ZZEF1: variants seen among roughly 807,000 people sequenced by gnomAD.
The protein encoded by ZZEF1 is zinc finger ZZ-type and EF-hand domain-containing protein 1.
ZZEF1 carries 157 observed loss-of-function variants against 342.8 expected under a neutral mutation model. The ratio of observed to expected loss-of-function variants is 0.46; its 90% confidence interval spans 0.40 to 0.52. The LOEUF is 0.52. Ranked by LOEUF, ZZEF1 falls within the 20% of genes least tolerant of loss-of-function variation. ZZEF1 has a pLI of 0.00. For missense variants in ZZEF1, 3,480 were observed against 3,725.6 expected, an observed-to-expected ratio of 0.93 and a Z score of 1.72; for synonymous variants, 1,505 against 1,429.1, an observed-to-expected ratio of 1.05 and a Z score of -1.20.
In ZZEF1 at chr17:4,066,376, G is replaced by C. The variant is rs1490694867; in HGVS notation, c.4249+71C>G. On this transcript the variant is annotated intron_variant, in intron 28 of 54. Transcript: ENST00000381638. Reference sequence around the variant, plus strand: ...TCAATTAAGATAATCTAGAAGGTGAGTAATTGGTTTTCCAGGCTCTAAAAC... The same window carrying C: ...TCAATTAAGATAATCTAGAAGGTGACTAATTGGTTTTCCAGGCTCTAAAAC... 10 of 1,312,906 alleles carry C rather than the reference G, an allele frequency of 7.6e-6. No homozygotes were observed. In the African/African-American group the frequency reaches 1.0e-4, roughly 13 times the overall value. The allele number at this position is 1,312,906 out of a possible 1,614,324, so 81.3% of individuals were successfully genotyped here.
At position 4,107,885 on chromosome 17, in the gene ZZEF1, T is replaced by C. The variant is rs1463322407; in HGVS notation, c.1277+1768A>G. 2.6e-5 allele frequency among the ~76,000 whole-genome samples: 4 copies of C among 152,266 alleles called. No individual in the cohort carries two copies. In the East Asian group the frequency reaches 5.8e-4, roughly 22 times the overall value. On this transcript the variant is annotated intron_variant, in intron 6 of 54. Coordinates refer to ENST00000381638, the MANE Select transcript of ZZEF1 (RefSeq NM_015113.4). ...GATTCCAGGACTAATGCAGGGAACA[T>C]TCAAGATAAGCCTGGAATATCTTGT... is the stretch of plus-strand genomic sequence containing the variant.
chr17:4,142,532 C>A lies in ZZEF1; in HGVS notation c.354+10G>T. ...CTGCCCCATCCCCGCAGTCGCCTGC[C>A]GGCCCTGACCTCCTCGAACTGCTCG... On this transcript the variant is annotated intron_variant, in intron 1 of 54. Coordinates refer to ENST00000381638, the MANE Select transcript of ZZEF1 (RefSeq NM_015113.4). 1.3e-6 allele frequency: 2 copies of A among 1,589,802 alleles called. No individual in the cohort carries two copies. Among genetic ancestry groups the A allele is most frequent in the Non-Finnish European group, 1.7e-6 (2 of 1,175,182 alleles).
At chr17:4,018,880 G>A (rs370041663) in intron 46 of ZZEF1, among the ~76,000 whole-genome samples, 14 of 152,018 alleles carry the variant, frequency 9.2e-5, no homozygotes, top group African/African-American at 3.1e-4. Flanking sequence ...ACCGAGAGGT[G>A]GGGTGGCCGA....
chr17:4,061,675 C>T lies in ZZEF1; in HGVS notation c.4883+1078G>A, dbSNP rs1049288997. Among the ~76,000 whole-genome samples the T allele has an allele frequency of 5.3e-5, 8 of 152,308 alleles. No homozygotes were observed. In the East Asian group the frequency reaches 1.3e-3, roughly 26 times the overall value. The stretch of plus-strand genomic sequence containing the variant: ...CCTCACTAAAACGCATCACTATCCA[C>T]CAGCTGTTCACTCCCAAATCCTAGG... On this transcript the variant is annotated intron_variant, in intron 30 of 54. Transcript: ENST00000381638.
rs116032461 is a variant in ZZEF1 at position 4,094,321 on chromosome 17, T to C, written c.1913+1510A>G. ...CATGGCCAGCTAATTTTTATGTTTTTCTTTTTTTTTTAGAGATGGGGGTCT... is the reference window on the plus strand; with the variant it reads ...CATGGCCAGCTAATTTTTATGTTTTCCTTTTTTTTTTAGAGATGGGGGTCT... On this transcript the variant is annotated intron_variant, in intron 11 of 54. Coordinates refer to ENST00000381638, the MANE Select transcript of ZZEF1 (RefSeq NM_015113.4). 1.6e-3 allele frequency among the ~76,000 whole-genome samples: 242 copies of C among 152,082 alleles called. 3 individuals are homozygous for C. Among genetic ancestry groups the C allele is most frequent in the African/African-American group, 5.6e-3 (234 of 41,488 alleles).
At chr17:4,068,030 A>G (rs893048015) in intron 26 of ZZEF1, among the ~76,000 whole-genome samples, 1 of 152,208 alleles carries the variant, frequency 6.6e-6, no homozygotes, top group Admixed American at 6.5e-5. Context: ...GTGAGCTACA[A>G]CTGTGCCCCT....
intron 52 of ZZEF1, among the ~76,000 whole-genome samples, chr17:4,012,718 A>C (rs1185340223): frequency 6.6e-6 from 1 of 152,260 alleles, no homozygotes; most frequent in African/African-American, 2.4e-5. Context: ...ATTTGTTTAC[A>C]GATGACACGA....
chr17:4,117,797 T>C (rs770192799), intron 2 of ZZEF1, among the ~76,000 whole-genome samples: 3 of 152,170 alleles, frequency 2.0e-5, no homozygotes, highest in African/African-American at 4.8e-5. Context: ...GTCTTGCGTA[T>C]AGAATACAGG....
At chr17:4,140,859 T>C (rs2058832282) in intron 1 of ZZEF1, among the ~76,000 whole-genome samples, 1 of 148,980 alleles carries the variant, frequency 6.7e-6, no homozygotes, top group South Asian at 2.1e-4. Context: ...GAAGGTACTA[T>C]GTGTATTCCT....
chr17:4,105,803 C>G lies in ZZEF1; in HGVS notation c.1284G>C (p.Ala428=). 1 of 1,602,814 alleles carries G rather than the reference C, an allele frequency of 6.2e-7. No individual in the cohort carries two copies. Among genetic ancestry groups the G allele is most frequent in the Non-Finnish European group, 8.5e-7 (1 of 1,176,752 alleles). ...GAGAGAGTGGAGGCATGTGCCGCAG[C>G]GCCTTCCTAGAAGAGGAAAATGTAA... ...VQTVLHNTQK[A]LRHMPPLSLS... is the part of the protein sequence containing the mutation. Residue 428 remains alanine (A), a synonymous_variant, in exon 7 of 55, where the codon GCG becomes GCC. Transcript: ENST00000381638.
intron 2 of ZZEF1, among the ~76,000 whole-genome samples, chr17:4,121,985 G>T (rs1198414413): frequency 6.6e-6 from 1 of 152,052 alleles, no homozygotes; most frequent in African/African-American, 2.4e-5. Context: ...CCAAAGTGCT[G>T]AGATTACAGG....
intron 52 of ZZEF1, among the ~76,000 whole-genome samples, chr17:4,010,790 T>G (rs1170870889): frequency 6.8e-6 from 1 of 147,046 alleles, no homozygotes; most frequent in African/African-American, 2.5e-5. Context: ...AAAATAAAAT[T>G]CAAAAATAAC....
chr17:4,032,010 G>T, intron 42 of ZZEF1, 116 bp downstream of exon 42: 1 of 1,142,492 alleles, frequency 8.8e-7, no homozygotes. Flanking sequence ...GCTATAACTT[G>T]TTCTTTAAAA....
chr17:4,119,158 T>C (rs192588123), intron 2 of ZZEF1, among the ~76,000 whole-genome samples: 1 of 152,360 alleles, frequency 6.6e-6, no homozygotes, highest in Non-Finnish European at 1.5e-5. Flanking sequence ...AGGAGATGTG[T>C]TAATTTGCTC....
chr17:4,121,353 G>T (rs1194032196), intron 2 of ZZEF1, among the ~76,000 whole-genome samples: 1 of 152,246 alleles, frequency 6.6e-6, no homozygotes, highest in African/African-American at 2.4e-5. Context: ...GCCGGGTGCA[G>T]TGGCTCACGC....
chr17:4,107,274 A>T (rs1356919427), intron 6 of ZZEF1, among the ~76,000 whole-genome samples: 1 of 152,182 alleles, frequency 6.6e-6, no homozygotes, highest in Non-Finnish European at 1.5e-5. Flanking sequence ...CAGACTTTAA[A>T]ATCTGTCCAT....
rs1480567008 is a variant in ZZEF1 at position 4,016,108 on chromosome 17, A to G, written c.8145+215T>C. Among the ~76,000 whole-genome samples, 3 of 152,206 alleles carry G rather than the reference A, an allele frequency of 2.0e-5. No individual in the cohort carries two copies. The highest frequency in any genetic ancestry group is 4.4e-5 in the Non-Finnish European group (3 of 68,036). ...CCCATTTTCTTCTATTAAAACAAGA[A>G]AAGTCCGGAGAAGAGAAGACTTGCT... On this transcript the variant is annotated intron_variant, in intron 49 of 54. Transcript: ENST00000381638. This position sits in a 1 kb window ranked among gnomAD's most constrained non-coding sequence, Gnocchi z 4.4.
intron 42 of ZZEF1, among the ~76,000 whole-genome samples, chr17:4,029,675 G>T (rs772690804): frequency 5.3e-5 from 8 of 151,778 alleles, no homozygotes; most frequent in Non-Finnish European, 1.0e-4. Flanking sequence ...AGGAGTTCGA[G>T]ACCAGCCTGA....
chr17:4,050,510 T>A (rs2057021556), intron 36 of ZZEF1, among the ~76,000 whole-genome samples: 1 of 152,232 alleles, frequency 6.6e-6, no homozygotes, highest in Admixed American at 6.5e-5. Flanking sequence ...CTAGACTGCA[T>A]CCACAGATAT....
Sources: gnomAD v4.1 joint callset for allele counts (sites outside exome capture counted in the v4.1 genomes callset) on GRCh38, gnomAD v4.1.1 for gene constraint, Gnocchi (gnomAD v3.1) non-coding constraint, MANE v1.5 for transcripts, NCBI Gene and HGNC (gene_info 2026-07-23, HGNC 2026-07-21) for gene names.